Variants in MMRN1 observed in about 807,000 individuals in gnomAD.
MMRN1 encodes multimerin 1.
In MMRN1, 94 loss-of-function variants were observed where a neutral mutation model predicts 100.7. The ratio of observed to expected loss-of-function variants is 0.93; its 90% CI spans 0.79 to 1.11. MMRN1 has a LOEUF of 1.11. MMRN1 is among the 50% of genes least tolerant of loss of function. The pLI, the probability that MMRN1 is intolerant of heterozygous loss-of-function variation, is 0.00. For missense variants in MMRN1, 1,606 were observed against 1,439.1 expected, an observed-to-expected ratio of 1.12 and a Z score of -1.88; for synonymous variants, 575 against 505.0, an observed-to-expected ratio of 1.14 and a Z score of -1.86.
chr4:89,889,355 A>G (rs1333084203), intron 1 of MMRN1, among the ~76,000 whole-genome samples: 1 of 152,094 alleles, frequency 6.6e-6, no homozygotes, highest in African/African-American at 2.4e-5. Flanking sequence ...CTGAAACCAG[A>G]GGGCGTCGAG....
chr4:89,908,478 C>T (rs1198056366), intron 1 of MMRN1, among the ~76,000 whole-genome samples: 1 of 151,408 alleles, frequency 6.6e-6, no homozygotes, highest in East Asian at 1.9e-4. Context: ...GGAAAATTGA[C>T]ATATTTGCAT....
chr4:89,909,396 G>A lies in MMRN1; in HGVS notation c.743+1G>A. 6.2e-7 allele frequency: 1 copy of A among 1,608,442 alleles called. No homozygotes were observed. Among genetic ancestry groups the A allele is most frequent in the Non-Finnish European group, 8.5e-7 (1 of 1,176,908 alleles). Reference sequence around the variant, plus strand: ...GGACCGGTGGATCCTGTCCTCAGAGGTATGTAATATTTCTTGAAAATAGCC... The same window carrying A: ...GGACCGGTGGATCCTGTCCTCAGAGATATGTAATATTTCTTGAAAATAGCC... On this transcript the variant is annotated splice_donor_variant, in intron 2 of 7. Coordinates refer to ENST00000264790, the MANE Select transcript of MMRN1 (RefSeq NM_007351.3). LOFTEE classifies it high-confidence loss of function.
At chr4:89,881,384 T>G (rs1016866154) in intron 1 of MMRN1, among the ~76,000 whole-genome samples, 8 of 152,096 alleles carry the variant, frequency 5.3e-5, no homozygotes, top group African/African-American at 1.7e-4. Flanking sequence ...GTGGCCGTTT[T>G]CTAGTCATGA....
chr4:89,912,076 A>G (rs1489456527), intron 3 of MMRN1, 26 bp downstream of exon 3: 2 of 1,427,432 alleles, frequency 1.4e-6, no homozygotes, highest in Admixed American at 2.1e-5. Flanking sequence ...AATAATCACA[A>G]TTCTGAACAA....
intron 2 of MMRN1, among the ~76,000 whole-genome samples, chr4:89,910,981 A>G (rs540831651): frequency 2.0e-5 from 3 of 151,434 alleles, no homozygotes; most frequent in Non-Finnish European, 4.4e-5. Flanking sequence ...CCCACATGAC[A>G]TGGGCTAAAA....
chr4:89,909,770 C>T (rs750127015), intron 2 of MMRN1, among the ~76,000 whole-genome samples: 1 of 151,376 alleles, frequency 6.6e-6, no homozygotes, highest in Non-Finnish European at 1.5e-5. Flanking sequence ...ATTATTTTCT[C>T]TTCATGCTAG....
chr4:89,886,349 G>A (rs1578458017), intron 1 of MMRN1, among the ~76,000 whole-genome samples: 2 of 152,002 alleles, frequency 1.3e-5, no homozygotes, highest in African/African-American at 4.8e-5. Context: ...AAAATATTTA[G>A]GGATTTTTAA....
chr4:89,947,072 G>T (rs367784146), intron 6 of MMRN1, among the ~76,000 whole-genome samples: 4 of 152,092 alleles, frequency 2.6e-5, no homozygotes, highest in African/African-American at 9.7e-5. Context: ...ACCTGAGGTT[G>T]GAAGTTTGAG....
At chr4:89,885,410 T>A (rs574533202) in intron 1 of MMRN1, among the ~76,000 whole-genome samples, 11 of 152,224 alleles carry the variant, frequency 7.2e-5, no homozygotes, top group Non-Finnish European at 1.0e-4. Flanking sequence ...TTTGTAATAT[T>A]TGGTATTAGG....
rs149146301 is a variant in MMRN1, at chr4:89,936,716, C to T, written c.3036C>T (p.Asn1012=). ...KQVKSLPKKI[N]ALKKPTVNLT... Reference sequence around the variant, plus strand: ...TAAAATCATTGCCAAAGAAAATTAACGCACTTAAGAAACCAACGGTAAATC... The same window carrying T: ...TAAAATCATTGCCAAAGAAAATTAATGCACTTAAGAAACCAACGGTAAATC... Residue 1012 remains asparagine (N), a synonymous_variant, in exon 6 of 8, where the codon AAC becomes AAT. Coordinates refer to ENST00000264790, the MANE Select transcript of MMRN1 (RefSeq NM_007351.3). 1.1e-5 allele frequency: 17 copies of T among 1,613,198 alleles called. No individual in the cohort carries two copies. The highest frequency in any genetic ancestry group is 8.0e-5 in the African/African-American group (6 of 74,870).
chr4:89,934,346 A>G (rs1042515901), intron 5 of MMRN1, among the ~76,000 whole-genome samples: 1 of 152,244 alleles, frequency 6.6e-6, no homozygotes, highest in East Asian at 1.9e-4. Flanking sequence ...CAGTCAATTT[A>G]TTAGCTTTTA....
upstream of MMRN1, among the ~76,000 whole-genome samples, chr4:89,890,547 T>C (rs6832819): frequency 0.023 from 3,475 of 152,230 alleles, 51 homozygotes; most frequent in Middle Eastern, 0.065. Flanking sequence ...TTTTCAGATG[T>C]ACTTAGCAGA....
In MMRN1 at chr4:89,936,761, C is replaced by A; in HGVS notation, c.3081C>A (p.Gly1027=). Reference sequence around the variant, plus strand: ...TAAATCTTACCACAGTCCTGATAGGCCGGACTCAAAGAAACACGGACAACA... The same window carrying A: ...TAAATCTTACCACAGTCCTGATAGGACGGACTCAAAGAAACACGGACAACA... ...PTVNLTTVLI[G]RTQRNTDNII... The change falls in exon 6 of 8, where the codon GGC becomes GGA. Residue 1027 remains glycine (G), a synonymous_variant. Coordinates refer to ENST00000264790, the MANE Select transcript of MMRN1 (RefSeq NM_007351.3). The A allele has an allele frequency of 1.2e-6, 2 of 1,604,530 alleles. No individual in the cohort carries two copies. The highest frequency in any genetic ancestry group is 1.7e-6 in the Non-Finnish European group (2 of 1,177,086).
intron 1 of MMRN1, among the ~76,000 whole-genome samples, chr4:89,897,719 G>A (rs1407699620): frequency 1.3e-5 from 2 of 152,118 alleles, no homozygotes; most frequent in Non-Finnish European, 2.9e-5. Flanking sequence ...GGAACAATTT[G>A]ATGAATATTT....
intron 1 of MMRN1, among the ~76,000 whole-genome samples, chr4:89,887,336 G>C (rs554559104): frequency 6.6e-6 from 1 of 151,944 alleles, no homozygotes. Flanking sequence ...ATACAGAATA[G>C]CCAAAGCAAT....
intron 3 of MMRN1, among the ~76,000 whole-genome samples, chr4:89,920,812 T>TTTTG (rs1336512526): frequency 6.6e-6 from 1 of 152,018 alleles, no homozygotes; most frequent in Non-Finnish European, 1.5e-5. Flanking sequence ...GTTTTGTTTT[T>TTTTG]TTTGTTTGTT....
At position 89,954,484 on chromosome 4, in the gene MMRN1, G is replaced by A. The variant is rs957111276; in HGVS notation, c.*1066G>A. On this transcript the variant is annotated 3_prime_UTR_variant, in exon 8 of 8. Coordinates refer to ENST00000264790, the MANE Select transcript of MMRN1 (RefSeq NM_007351.3). ...AACTAATCCTTTATCCTCTATTTGT[G>A]TTGTCTCCCATTTTTTATTATTACA... is the stretch of plus-strand genomic sequence containing the variant. 1 of 152,066 alleles carries A rather than the reference G, an allele frequency of 6.6e-6. No individual in the cohort carries two copies. Among genetic ancestry groups the A allele is most frequent in the Admixed American group, 6.6e-5 (1 of 15,262 alleles). 9.4% of individuals were successfully genotyped at this position (152,066 alleles called of 1,614,324 possible). A position where few individuals can be genotyped will look rare whatever the true frequency, so the allele number is the denominator to read the frequency against.
Position 89,895,331 on chromosome 4 carries a change from C to T in MMRN1, c.360C>T (p.Asn120=), listed in dbSNP as rs142099842. The change falls in exon 1 of 8, where the codon AAC becomes AAT. Residue 120 remains asparagine, a synonymous_variant. Coordinates refer to ENST00000264790, the MANE Select transcript of MMRN1 (RefSeq NM_007351.3). ...TACAGAATCTTACCCTCCCAACCAA[C>T]GCTAGCATCAAGTTCAATCCTGGAG... ...VKLQNLTLPT[N]ASIKFNPGAE... The T allele has an allele frequency of 3.5e-5, 56 of 1,613,848 alleles. No individual in the cohort carries two copies. The highest frequency in any genetic ancestry group is 4.7e-5 in the Non-Finnish European group (55 of 1,179,954).
chr4:89,922,305 C>T (rs1722114034), intron 3 of MMRN1, among the ~76,000 whole-genome samples: 1 of 152,000 alleles, frequency 6.6e-6, no homozygotes, highest in African/African-American at 2.4e-5. Flanking sequence ...CGGGCTTTCA[C>T]TATGTTGGCC....
Sources: allele counts gnomAD v4.1 joint callset (sites outside exome capture counted in the v4.1 genomes callset), GRCh38; gene constraint gnomAD v4.1.1; transcripts MANE v1.5; gene names NCBI Gene and HGNC (gene_info 2026-07-23, HGNC 2026-07-21).